CDH6: variants seen among roughly 807,000 people sequenced by gnomAD.
The protein encoded by CDH6 is cadherin 6, also known as cadherin-6.
In CDH6, 31 loss-of-function variants were observed where a neutral mutation model predicts 78.0. The observed-to-expected ratio is 0.40, with a 90% CI of 0.30 to 0.54. The LOEUF (loss-of-function observed/expected upper bound fraction) is 0.54, where lower values mean the gene tolerates loss of function less well. Among genes scored for constraint, CDH6 ranks in the 20% least tolerant of loss-of-function variants. The pLI is 0.56. For missense variants in CDH6, 724 were observed against 975.9 expected (o/e 0.74, Z 3.44); for synonymous variants, 376 against 368.8 (o/e 1.02, Z -0.23).
intron 7 of CDH6, among the ~76,000 whole-genome samples, chr5:31,311,201 C>T (rs763695767): frequency 2.0e-5 from 3 of 152,204 alleles, no homozygotes; most frequent in Non-Finnish European, 4.4e-5. Context: ...ACTTCTTCTG[C>T]CAAATATCCT....
chr5:31,271,845 C>T lies in CDH6; in HGVS notation c.228+4144C>T, dbSNP rs184545524. On this transcript the variant is annotated intron_variant, in intron 2 of 11. Coordinates refer to ENST00000265071, the MANE Select transcript of CDH6 (RefSeq NM_004932.4). Reference sequence around the variant, plus strand: ...TAACAAGATCCCCAGGTGAATCGTACGCATGTTAAAATTTGAGAAGTGCTG... The same window carrying T: ...TAACAAGATCCCCAGGTGAATCGTATGCATGTTAAAATTTGAGAAGTGCTG... 3.9e-3 allele frequency among the ~76,000 whole-genome samples: 587 copies of T among 152,194 alleles called. 17 individuals carry two copies. Among genetic ancestry groups the T allele is most frequent in the Admixed American group, 0.033 (502 of 15,264 alleles).
intron 1 of CDH6, among the ~76,000 whole-genome samples, chr5:31,199,285 C>T (rs1477391571): frequency 2.0e-5 from 3 of 150,658 alleles, no homozygotes; most frequent in Non-Finnish European, 3.0e-5. Flanking sequence ...TCTATACACA[C>T]ACATATATAT....
intron 1 of CDH6, among the ~76,000 whole-genome samples, chr5:31,207,889 G>C (rs558519671): frequency 6.6e-6 from 1 of 152,164 alleles, no homozygotes; most frequent in Non-Finnish European, 1.5e-5. Context: ...AAATATTCCC[G>C]AGATGACCTT....
chr5:31,294,265 G>C lies in CDH6; in HGVS notation c.523+9G>C. On this transcript the variant is annotated intron_variant, in intron 3 of 11. Coordinates refer to ENST00000265071, the MANE Select transcript of CDH6 (RefSeq NM_004932.4). This position sits in a 1 kb window ranked among gnomAD's most constrained non-coding sequence, Gnocchi z 4.1. The stretch of plus-strand genomic sequence containing the variant: ...TGAAATGTCTGATGTCGGTGAGTGA[G>C]ACGTGACTTCAGCCAAAAGCTGGCT... The C allele has an allele frequency of 1.2e-6, 2 of 1,603,362 alleles. No homozygotes were observed. Among genetic ancestry groups the C allele is most frequent in the Non-Finnish European group, 1.7e-6 (2 of 1,174,364 alleles).
chr5:31,270,728 G>T (rs1742508670), intron 2 of CDH6, among the ~76,000 whole-genome samples: 2 of 151,336 alleles, frequency 1.3e-5, no homozygotes, highest in African/African-American at 4.9e-5. Context: ...CTGGGGTCTT[G>T]CTCTGTCACC....
chr5:31,263,944 T>C (rs4377721), intron 1 of CDH6, among the ~76,000 whole-genome samples: 144,166 of 152,290 alleles, frequency 0.95, 68,675 homozygotes, highest in East Asian at 1. Flanking sequence ...ACTTTTAAAA[T>C]CTTAACGTAA....
intron 1 of CDH6, among the ~76,000 whole-genome samples, chr5:31,196,162 A>G (rs1457749691): frequency 2.6e-5 from 4 of 152,110 alleles, no homozygotes; most frequent in African/African-American, 9.7e-5. Flanking sequence ...TCCACCCACC[A>G]CTTCCATCAG....
In CDH6 at chr5:31,323,394, T is replaced by A. The variant is rs1183338471; in HGVS notation, c.*86T>A. On this transcript the variant is annotated 3_prime_UTR_variant, in exon 12 of 12. Coordinates refer to ENST00000265071, the MANE Select transcript of CDH6 (RefSeq NM_004932.4). ...TATTTATCCACTACTCCGTGAAGGC[T>A]TCTCTGTTCTACCCGTTCCAAAAGC... The A allele has an allele frequency of 1.4e-6, 2 of 1,451,562 alleles. No homozygotes were observed. Among genetic ancestry groups the A allele is most frequent in the Non-Finnish European group, 1.9e-6 (2 of 1,068,908 alleles). The allele number at this position is 1,451,562 out of a possible 1,614,324, so 89.9% of individuals were successfully genotyped here. A position where few individuals can be genotyped will look rare whatever the true frequency, so the allele number is the denominator to read the frequency against.
chr5:31,207,590 A>C (rs1423979228), intron 1 of CDH6, among the ~76,000 whole-genome samples: 1 of 152,188 alleles, frequency 6.6e-6, no homozygotes, highest in Admixed American at 6.5e-5. Context: ...TCACACTGTA[A>C]ACATCTGGAA....
chr5:31,259,718 G>T (rs144748035), intron 1 of CDH6, among the ~76,000 whole-genome samples: 1 of 152,090 alleles, frequency 6.6e-6, no homozygotes, highest in Non-Finnish European at 1.5e-5. Flanking sequence ...TTCTTTGTTC[G>T]CATGAGTAAA....
chr5:31,199,665 GTGTA>G (rs1401292690), intron 1 of CDH6, among the ~76,000 whole-genome samples: 11 of 85,510 alleles, frequency 1.3e-4, no homozygotes, highest in African/African-American at 3.5e-4. Context: ...ATGTGTGTGT[GTGTA>G]TGTGTGTGTG....
At chr5:31,281,830 CTT>C (rs1168639594) in intron 2 of CDH6, among the ~76,000 whole-genome samples, 1 of 152,078 alleles carries the variant, frequency 6.6e-6, no homozygotes, top group Admixed American at 6.6e-5. Flanking sequence ...TGAGAATAGA[CTT>C]TGGAGTCAGG....
At chr5:31,313,489 T>G (rs375136266) in intron 8 of CDH6, 35 bp downstream of exon 8, 81 of 1,583,818 alleles carry the variant, frequency 5.1e-5, no homozygotes, top group Non-Finnish European at 6.8e-5. Context: ...TGTCCCCTAT[T>G]AATAGACTGA....
At chr5:31,254,301 T>C (rs984174420) in intron 1 of CDH6, among the ~76,000 whole-genome samples, 4 of 152,178 alleles carry the variant, frequency 2.6e-5, no homozygotes, top group Admixed American at 2.6e-4. Context: ...GTAAAGTGCT[T>C]CCTTTAAGTG....
At chr5:31,194,569 G>T (rs566466123) in intron 1 of CDH6, among the ~76,000 whole-genome samples, 7 of 152,248 alleles carry the variant, frequency 4.6e-5, no homozygotes, top group Admixed American at 3.9e-4. Context: ...AGGTTGCAAG[G>T]AAAGTCCAAC....
chr5:31,201,678 CAA>C (rs1740352758), intron 1 of CDH6, among the ~76,000 whole-genome samples: 1 of 152,146 alleles, frequency 6.6e-6, no homozygotes, highest in Non-Finnish European at 1.5e-5. Context: ...CCATGAAATC[CAA>C]AAGTCTGGGG....
At chr5:31,305,564 AC>A in intron 7 of CDH6, 137 bp downstream of exon 7, 1 of 850,470 alleles carries the variant, frequency 1.2e-6, no homozygotes, top group Non-Finnish European at 1.8e-6. Flanking sequence ...ACTATTCTAA[AC>A]AGCACCTTTA....
In CDH6 at chr5:31,323,299, A is replaced by C; in HGVS notation, c.2364A>C (p.Lys788Asn). 6.2e-7 allele frequency: 1 copy of C among 1,607,640 alleles called. No individual in the cohort carries two copies. The highest frequency in any genetic ancestry group is 8.5e-7 in the Non-Finnish European group (1 of 1,174,534). Reference sequence around the variant, plus strand: ...TGTATGGAGGAGTGGACAGTGACAAAGACTCCTAATCTGTTGCCTTTTTCA... The same window carrying C: ...TGTATGGAGGAGTGGACAGTGACAACGACTCCTAATCTGTTGCCTTTTTCA... Reference protein sequence around the residue: ...ADMYGGVDSDKDS With the variant: ...ADMYGGVDSDNDS The change falls in exon 12 of 12, where the codon AAA (lysine) becomes AAC (asparagine). Residue 788 changes from lysine to asparagine, a missense_variant. This residue lies in a region of CDH6 where 220 missense variants were observed against 240.6 expected (regional missense o/e 0.91). Coordinates refer to ENST00000265071, the MANE Select transcript of CDH6 (RefSeq NM_004932.4).
At chr5:31,208,596 G>C (rs1322964155) in intron 1 of CDH6, among the ~76,000 whole-genome samples, 4 of 152,038 alleles carry the variant, frequency 2.6e-5, no homozygotes, top group Admixed American at 6.5e-5. Context: ...GTTTTTATTT[G>C]TTCATGGTGG....
Sources: allele counts gnomAD v4.1 joint callset (sites outside exome capture counted in the v4.1 genomes callset), GRCh38; gene constraint gnomAD v4.1.1; regional missense constraint gnomAD v4.1.1; non-coding constraint Gnocchi (gnomAD v3.1); transcripts MANE v1.5; gene names NCBI Gene and HGNC (gene_info 2026-07-23, HGNC 2026-07-21).